Variants in KAZN observed in about 807,000 individuals in gnomAD.
KAZN encodes kazrin.
Under a neutral mutation model 87.4 loss-of-function variants are expected in KAZN, and 40 were observed. The ratio of observed to expected loss-of-function variants is 0.46; its 90% CI spans 0.36 to 0.60. The LOEUF (loss-of-function observed/expected upper bound fraction) is 0.60. KAZN is among the 20% of genes least tolerant of loss of function. The probability of loss-of-function intolerance (pLI) is 0.00; values close to 1 mark genes in which losing one functional copy is unlikely to be tolerated. For missense variants in KAZN, 898 were observed against 1,073.9 expected, an observed-to-expected ratio of 0.84 and a Z score of 2.29; for synonymous variants, 466 against 458.3, an observed-to-expected ratio of 1.02 and a Z score of -0.22.
intron 2 of KAZN, among the ~76,000 whole-genome samples, chr1:14,481,215 G>T (rs992494373): frequency 6.6e-6 from 1 of 152,050 alleles, no homozygotes; most frequent in Admixed American, 6.6e-5. Flanking sequence ...CAATTTTCCT[G>T]CCCACTCAGT....
chr1:15,009,590 G>A (rs544267900), intron 2 of KAZN, among the ~76,000 whole-genome samples: 10 of 152,318 alleles, frequency 6.6e-5, no homozygotes, highest in South Asian at 6.2e-4. Flanking sequence ...CCATGCAGAC[G>A]GGACAGCTGT....
At chr1:14,087,395 G>A (rs546160338) in intron 1 of KAZN, among the ~76,000 whole-genome samples, 1 of 152,160 alleles carries the variant, frequency 6.6e-6, no homozygotes, top group Admixed American at 6.5e-5. Context: ...TAATCATTTA[G>A]TCTACAATAA....
intron 1 of KAZN, among the ~76,000 whole-genome samples, chr1:14,098,091 C>T (rs1301003853): frequency 6.6e-6 from 1 of 151,914 alleles, no homozygotes; most frequent in African/African-American, 2.4e-5. Flanking sequence ...GGTGTGGAGT[C>T]ACTCGCCCAA....
intron 2 of KAZN, among the ~76,000 whole-genome samples, chr1:14,572,000 C>T (rs995056299): frequency 1.2e-4 from 19 of 152,136 alleles, no homozygotes; most frequent in Admixed American, 1.2e-3. Flanking sequence ...GGGGAAGCCC[C>T]GCTAGGGTAA....
chr1:13,912,656 T>A (rs1639695920), intron 1 of KAZN, among the ~76,000 whole-genome samples: 1 of 152,224 alleles, frequency 6.6e-6, no homozygotes, highest in African/African-American at 2.4e-5. Context: ...CAAGCTGGAA[T>A]GCAGTGGCAC....
intron 13 of KAZN, among the ~76,000 whole-genome samples, chr1:15,105,208 T>C (rs1344009040): frequency 1.3e-5 from 2 of 152,242 alleles, no homozygotes; most frequent in African/African-American, 4.8e-5. Flanking sequence ...TCTCCTCTTC[T>C]GGGTTTTGGA....
chr1:14,533,153 T>C (rs7540634), intron 2 of KAZN, among the ~76,000 whole-genome samples: 146,456 of 152,252 alleles, frequency 0.96, 70,695 homozygotes, highest in South Asian at 1. Context: ...GAGCTTTCCC[T>C]GTTTTTATAC....
At chr1:14,370,908 C>A (rs1660426795) in intron 2 of KAZN, among the ~76,000 whole-genome samples, 1 of 152,162 alleles carries the variant, frequency 6.6e-6, no homozygotes. Flanking sequence ...TGATTTCAAA[C>A]TCCTGGGCTC....
chr1:14,050,491 G>A (rs1435167319), intron 1 of KAZN, among the ~76,000 whole-genome samples: 1 of 152,196 alleles, frequency 6.6e-6, no homozygotes, highest in Non-Finnish European at 1.5e-5. Context: ...TGTCTCACAT[G>A]ACAGCAGTTG....
intron 2 of KAZN, among the ~76,000 whole-genome samples, chr1:14,412,854 T>G (rs1239600069): frequency 6.6e-6 from 1 of 151,220 alleles, no homozygotes; most frequent in Non-Finnish European, 1.5e-5. Context: ...GATATCAAGA[T>G]ATCATAAAAT....
At chr1:14,843,575 C>G (rs1365456141) in intron 1 of KAZN, among the ~76,000 whole-genome samples, 5 of 152,134 alleles carry the variant, frequency 3.3e-5, no homozygotes, top group Non-Finnish European at 7.4e-5. Context: ...GGTGGAAGAG[C>G]CTTTGGGGCA....
At chr1:13,903,877 G>T (rs1431242670) in intron 1 of KAZN, among the ~76,000 whole-genome samples, 1 of 152,122 alleles carries the variant, frequency 6.6e-6, no homozygotes, top group Non-Finnish European at 1.5e-5. Context: ...GGTGAGAAGT[G>T]AATCTGAAAA....
chr1:14,127,949 C>T (rs180787237), intron 1 of KAZN, among the ~76,000 whole-genome samples: 65 of 152,170 alleles, frequency 4.3e-4, no homozygotes, highest in African/African-American at 1.5e-3. Context: ...ACCAGGTGGT[C>T]CTGGCAACAC....
intron 1 of KAZN, among the ~76,000 whole-genome samples, chr1:14,683,162 T>G (rs1475303763): frequency 1.3e-5 from 2 of 152,124 alleles, no homozygotes; most frequent in African/African-American, 4.8e-5. Context: ...TCCCAGGAAC[T>G]GGAAGCTGCC....
intron 2 of KAZN, among the ~76,000 whole-genome samples, chr1:14,378,283 A>C (rs2101039456): frequency 6.6e-6 from 1 of 151,392 alleles, no homozygotes; most frequent in East Asian, 1.9e-4. Flanking sequence ...ATTTGAAGCC[A>C]CCTACAATAA....
rs148802306 is a variant in KAZN at position 14,735,059 on chromosome 1, G to GT, written c.226+135844dup. On this transcript the variant is annotated intron_variant, in intron 1 of 14. Coordinates refer to ENST00000376030, the MANE Select transcript of KAZN (RefSeq NM_201628.3). The surrounding 1 kb of genome is among the most constrained non-coding windows in gnomAD (Gnocchi z 4.3). ...CACAGGATGCTAAATGGTCATGCTG[G>GT]TTTTTTTTGTTTTGTTTTGAGACGG... Among the ~76,000 whole-genome samples the GT allele has an allele frequency of 0.015, 2,128 of 142,892 alleles. 39 individuals carry two copies. The highest frequency in any genetic ancestry group is 0.058 in the African/African-American group (1,918 of 32,906). The allele number at this position is 142,892 out of a possible 152,430, so 93.7% of individuals were successfully genotyped here.
chr1:14,782,571 A>AG (rs1478048483), intron 1 of KAZN, among the ~76,000 whole-genome samples: 30 of 151,086 alleles, frequency 2.0e-4, no homozygotes, highest in Non-Finnish European at 3.0e-5. Flanking sequence ...AAAAAAAAAA[A>AG]AAAAAAAGAA....
chr1:14,940,604 C>T (rs1195238779), intron 1 of KAZN, among the ~76,000 whole-genome samples: 1 of 152,236 alleles, frequency 6.6e-6, no homozygotes. Flanking sequence ...CTCTCGTCCC[C>T]TACTGGGAGC....
At chr1:15,109,884 T>C (rs1344936351) in intron 13 of KAZN, among the ~76,000 whole-genome samples, 2 of 152,006 alleles carry the variant, frequency 1.3e-5, no homozygotes, top group Non-Finnish European at 2.9e-5. Flanking sequence ...TGTGCATGTG[T>C]GTGCTTGTGT....
Sources: gnomAD v4.1 joint callset for allele counts (sites outside exome capture counted in the v4.1 genomes callset) on GRCh38, gnomAD v4.1.1 for gene constraint, Gnocchi (gnomAD v3.1) non-coding constraint, MANE v1.5 for transcripts, NCBI Gene and HGNC (gene_info 2026-07-23, HGNC 2026-07-21) for gene names.